The following SLITRK2 variants were observed in gnomAD, a reference collection of about 807,000 sequenced individuals.
SLITRK2 encodes the protein SLIT and NTRK-like protein 2.
SLITRK2 carries 13 observed loss-of-function variants against 35.4 expected under a neutral mutation model. That is an observed-to-expected ratio of 0.37 (90% CI 0.24 to 0.58). The LOEUF is 0.58. Ranked by LOEUF, SLITRK2 falls within the 20% of genes least tolerant of loss-of-function variation. SLITRK2 has a pLI of 0.75. For missense variants in SLITRK2, 471 were observed against 634.3 expected, an observed-to-expected ratio of 0.74 and a Z score of 2.76; for synonymous variants, 294 against 264.7, an observed-to-expected ratio of 1.11 and a Z score of -1.07.
chrX:145,826,298 CTT>C lies in SLITRK2; in HGVS notation c.*1336_*1337del, dbSNP rs2073126527. On this transcript the variant is annotated 3_prime_UTR_variant, in exon 5 of 5. Transcript: ENST00000335565. The stretch of plus-strand genomic sequence containing the variant: ...CTTTCTGACAAAACAGCATTTTCCT[CTT>C]GAGTTTAATTGAAGCATTAATGGGG... 8.9e-6 allele frequency: 1 copy of C among 111,991 alleles called. No homozygotes were observed. The highest frequency in any genetic ancestry group is 3.7e-4 in the South Asian group (1 of 2,703). The allele number at this position is 111,991 out of a possible 1,213,427, so 9.2% of individuals were successfully genotyped here. A position where few individuals can be genotyped will look rare whatever the true frequency, so the allele number is the denominator to read the frequency against.
chrX:145,821,151 A>ACACC (rs1346374753), intron 2 of SLITRK2, 197 bp from the exon 3 acceptor site: 1 of 108,733 alleles, frequency 9.2e-6, no homozygotes, highest in Non-Finnish European at 1.9e-5. Flanking sequence ...ACACACACAC[A>ACACC]CACGCTTCTC....
In SLITRK2 at chrX:145,824,226, T is replaced by C. The variant is rs2295336; in HGVS notation, c.1801T>C (p.Ser601Pro). Residue 601 changes from serine (S) to proline (P), a missense_variant, in exon 5 of 5, where the codon TCG (serine) becomes CCG (proline). By Grantham distance (74) the Ser-to-Pro change is moderately conservative. Coordinates refer to ENST00000335565, the MANE Select transcript of SLITRK2 (RefSeq NM_032539.5). ...GAATCACAATACAGACACACCTCGG[T>C]CGCTTAGTGTGTCTCCTAGTTCCTA... Reference protein sequence around the residue: ...SMNHNTDTPRSLSVSPSSYPE... With the variant: ...SMNHNTDTPRPLSVSPSSYPE... 25,864 of 1,208,922 alleles carry C rather than the reference T, an allele frequency of 0.021. 1,773 individuals are homozygous for C. In the East Asian group the frequency reaches 0.31, roughly 15 times the overall value.
rs1386423998 is a variant in SLITRK2, at chrX:145,828,166, TCAACCTGTGTGCCTTGTTAGTTCTCTC to T, written c.*3206_*3232del. The T allele has an allele frequency of 6.5e-6, 3 of 462,955 alleles. No individual in the cohort carries two copies. In the African/African-American group the frequency reaches 7.4e-5, roughly 11 times the overall value. 38.2% of individuals were successfully genotyped at this position (462,955 alleles called of 1,213,427 possible). Reference sequence around the variant, plus strand: ...AGCCTAATTTGGTTCTGGACTATGGTCAACCTGTGTGCCTTGTTAGTTCTCTCCAGCAGCTGGTGAGTAAGGAAATGA... The same window carrying T: ...AGCCTAATTTGGTTCTGGACTATGGTCAGCAGCTGGTGAGTAAGGAAATGA... On this transcript the variant is annotated 3_prime_UTR_variant, in exon 5 of 5. Coordinates refer to ENST00000335565, the MANE Select transcript of SLITRK2 (RefSeq NM_032539.5).
Position 145,828,125 on chromosome X carries a change from G to T in SLITRK2, c.*3162G>T. 1 of 705,693 alleles carries T rather than the reference G, an allele frequency of 1.4e-6. No homozygotes were observed. The highest frequency in any genetic ancestry group is 3.5e-5 in the South Asian group (1 of 28,512). The allele number at this position is 705,693 out of a possible 1,213,427, so 58.2% of individuals were successfully genotyped here. Reference sequence around the variant, plus strand: ...ACTCAAAAATACCACTTCTCAGTATGAACACAATTGCTAAGAGCCTAATTT... The same window carrying T: ...ACTCAAAAATACCACTTCTCAGTATTAACACAATTGCTAAGAGCCTAATTT... On this transcript the variant is annotated 3_prime_UTR_variant, in exon 5 of 5. Coordinates refer to ENST00000335565, the MANE Select transcript of SLITRK2 (RefSeq NM_032539.5).
At chrX:145,819,159 CG>C (rs1459050379) in intron 1 of SLITRK2, 5 of 111,694 alleles carry the variant, frequency 4.5e-5, no homozygotes, top group Non-Finnish European at 9.4e-5. Flanking sequence ...TGAAATTCTT[CG>C]CAAAAATAAT....
At position 145,826,391 on chromosome X, in the gene SLITRK2, A is replaced by C. The variant is rs782576555; in HGVS notation, c.*1428A>C. 2 of 112,182 alleles carry C rather than the reference A, an allele frequency of 1.8e-5. No homozygotes were observed. The highest frequency in any genetic ancestry group is 3.8e-5 in the Non-Finnish European group (2 of 53,241). 9.2% of individuals were successfully genotyped at this position (112,182 alleles called of 1,213,427 possible). A position where few individuals can be genotyped will look rare whatever the true frequency, so the allele number is the denominator to read the frequency against. ...AATAGTTACCTAAACCAAGACATTA[A>C]GCATCTTTTTCCTTCTGCCTTCTTT... is the stretch of plus-strand genomic sequence containing the variant. On this transcript the variant is annotated 3_prime_UTR_variant, in exon 5 of 5. Coordinates refer to ENST00000335565, the MANE Select transcript of SLITRK2 (RefSeq NM_032539.5).
At position 145,829,824 on chromosome X, in the gene SLITRK2, T is replaced by C. The variant is rs1556946457; in HGVS notation, c.*4861T>C. 8.1e-6 allele frequency: 1 copy of C among 123,664 alleles called. No homozygotes were observed. Among genetic ancestry groups the C allele is most frequent in the African/African-American group, 3.2e-5 (1 of 30,945 alleles). The allele number at this position is 123,664 out of a possible 1,213,427, so 10.2% of individuals were successfully genotyped here. A position where few individuals can be genotyped will look rare whatever the true frequency, so the allele number is the denominator to read the frequency against. On this transcript the variant is annotated 3_prime_UTR_variant, in exon 5 of 5. Coordinates refer to ENST00000335565, the MANE Select transcript of SLITRK2 (RefSeq NM_032539.5). ...GAAACAAGCTCTTGTGTAAATAGAC[T>C]TCTGTGCCTAATAGTGACATTGTTT... is the stretch of plus-strand genomic sequence containing the variant.
At position 145,829,187 on chromosome X, in the gene SLITRK2, GT is replaced by G. The variant is rs2073151962; in HGVS notation, c.*4225del. 1 of 123,833 alleles carries G rather than the reference GT, an allele frequency of 8.1e-6. No individual in the cohort carries two copies. Among genetic ancestry groups the G allele is most frequent in the Admixed American group, 9.4e-5 (1 of 10,675 alleles). 10.2% of individuals were successfully genotyped at this position (123,833 alleles called of 1,213,427 possible). Reference sequence around the variant, plus strand: ...ACAATGATTGTGCAAAAAGTCACGTGTAAATTGAACTTTTGTAAATCAAATT... The same window carrying G: ...ACAATGATTGTGCAAAAAGTCACGTGAAATTGAACTTTTGTAAATCAAATT... On this transcript the variant is annotated 3_prime_UTR_variant, in exon 5 of 5. Transcript: ENST00000335565.
At chrX:145,822,231 G>A (rs149538205) in intron 4 of SLITRK2, 78 bp downstream of exon 4, 205 of 417,590 alleles carry the variant, frequency 4.9e-4, no homozygotes, top group African/African-American at 4.5e-3. Flanking sequence ...AAAAGAAACC[G>A]CTTTGGAAAA....
In SLITRK2 at chrX:145,824,382, G is replaced by T; in HGVS notation, c.1957G>T (p.Val653Phe). The T allele has an allele frequency of 8.3e-7, 1 of 1,211,044 alleles. No homozygotes were observed. The highest frequency in any genetic ancestry group is 1.1e-6 in the Non-Finnish European group (1 of 895,268). The change falls in exon 5 of 5, where the codon GTT (valine) becomes TTT (phenylalanine). Residue 653 changes from valine to phenylalanine, a missense_variant. Val to Phe is a conservative substitution (Grantham distance 50). Transcript: ENST00000335565. The stretch of plus-strand genomic sequence containing the variant: ...GAAACGCCGAAAGGGAGTGCCGAGC[G>T]TTCCCAGGAATACCAACAACTTAGA... The part of the protein sequence containing the change: ...VLKRRKGVPS[V>F]PRNTNNLDVS...
In SLITRK2 at chrX:145,824,332, G is replaced by A. The variant is rs2124198841; in HGVS notation, c.1907G>A (p.Gly636Glu). The change falls in exon 5 of 5, where the codon GGG (glycine) becomes GAG (glutamate). Residue 636 changes from glycine (G) to glutamate (E), a missense_variant. Gly to Glu is a moderately conservative substitution (Grantham distance 98, BLOSUM62 -2). Around this residue, in one of 7 missense-constraint regions of SLITRK2, gnomAD observed 190 missense variants for 199.3 expected, o/e 0.95. Transcript: ENST00000335565. ...GTTTTCATCTTATCTGTCTGTTTTG[G>A]GGCTGGTTTATTCGTCTTTGTCTTG... ...LVVFILSVCF[G>E]AGLFVFVLKR... 1.7e-6 allele frequency: 2 copies of A among 1,210,931 alleles called. No homozygotes were observed. Among genetic ancestry groups the A allele is most frequent in the Non-Finnish European group, 2.2e-6 (2 of 895,322 alleles).
chrX:145,819,144 G>C (rs2072946271), intron 1 of SLITRK2: 1 of 111,467 alleles, frequency 9.0e-6, no homozygotes, highest in African/African-American at 3.3e-5. Context: ...TCTCTCTCCT[G>C]TCTCTGAAAT....
chrX:145,818,222 G>T (rs1417594409), intron 1 of SLITRK2, 196 bp downstream of exon 1: 1 of 112,081 alleles, frequency 8.9e-6, no homozygotes, highest in East Asian at 2.9e-4. Flanking sequence ...CCCCGGGACC[G>T]TCCGCGCGGG....
In SLITRK2 at chrX:145,822,794, G is replaced by A. The variant is rs2073048049; in HGVS notation, c.369G>A (p.Glu123=). The change falls in exon 5 of 5, where the codon GAG becomes GAA. Residue 123 remains glutamate (E), a synonymous_variant. Transcript: ENST00000335565. ...KRLHLNNNKL[E]ILREDTFLGL... ...TGCATCTCAACAACAACAAGCTTGA[G>A]ATATTGAGGGAGGACACCTTCCTAG... The A allele has an allele frequency of 8.3e-7, 1 of 1,208,760 alleles. No homozygotes were observed. The highest frequency in any genetic ancestry group is 1.8e-5 in the African/African-American group (1 of 56,733).
chrX:145,822,902 G>A lies in SLITRK2; in HGVS notation c.477G>A (p.Lys159=). 8.3e-7 allele frequency: 1 copy of A among 1,211,260 alleles called. No homozygotes were observed. Among genetic ancestry groups the A allele is most frequent in the Non-Finnish European group, 1.1e-6 (1 of 895,428 alleles). ...IEAGAFSKLN[K]LKVLILNDNL... is the part of the protein sequence containing the mutation. Reference sequence around the variant, plus strand: ...CTGGGGCATTCAGCAAACTTAACAAGCTCAAAGTGCTCATCCTGAATGACA... The same window carrying A: ...CTGGGGCATTCAGCAAACTTAACAAACTCAAAGTGCTCATCCTGAATGACA... The change falls in exon 5 of 5, where the codon AAG becomes AAA. Residue 159 remains lysine, a synonymous_variant. Transcript: ENST00000335565.
In SLITRK2 at chrX:145,817,886, C is replaced by G. The variant is rs2072911748; in HGVS notation, c.-933C>G. 1 of 109,010 alleles carries G rather than the reference C, an allele frequency of 9.2e-6. No individual in the cohort carries two copies. Among genetic ancestry groups the G allele is most frequent in the Admixed American group, 9.6e-5 (1 of 10,380 alleles). 9.0% of individuals were successfully genotyped at this position (109,010 alleles called of 1,213,427 possible). Reference sequence around the variant, plus strand: ...AGCTGCTCGGTGGGGATCTGCCTGCCCTGGGGGCGCCGCCCGCGCTCCCCG... The same window carrying G: ...AGCTGCTCGGTGGGGATCTGCCTGCGCTGGGGGCGCCGCCCGCGCTCCCCG... On this transcript the variant is annotated 5_prime_UTR_variant, in exon 1 of 5. Coordinates refer to ENST00000335565, the MANE Select transcript of SLITRK2 (RefSeq NM_032539.5).
In SLITRK2 at chrX:145,825,532, A is replaced by C. The variant is rs1283415866; in HGVS notation, c.*569A>C. On this transcript the variant is annotated 3_prime_UTR_variant, in exon 5 of 5. Coordinates refer to ENST00000335565, the MANE Select transcript of SLITRK2 (RefSeq NM_032539.5). ...CTTCGCACTTTAAGTACATTACTTA[A>C]ATGTTGCTTTTAGCTTTGATAAATT... 8.1e-6 allele frequency: 1 copy of C among 123,247 alleles called. No individual in the cohort carries two copies. The highest frequency in any genetic ancestry group is 3.2e-5 in the African/African-American group (1 of 30,799). The allele number at this position is 123,247 out of a possible 1,213,427, so 10.2% of individuals were successfully genotyped here. A position where few individuals can be genotyped will look rare whatever the true frequency, so the allele number is the denominator to read the frequency against.
rs782740451 is a variant in SLITRK2 at position 145,822,747 on chromosome X, G to A, written c.322G>A (p.Gly108Ser). The change falls in exon 5 of 5, where the codon GGC becomes AGC. Residue 108 changes from glycine to serine, a missense_variant. Gly to Ser is a moderately conservative substitution (Grantham distance 56). Around this residue, in one of 7 missense-constraint regions of SLITRK2, gnomAD observed 98 missense variants for 120.6 expected, o/e 0.81. Coordinates refer to ENST00000335565, the MANE Select transcript of SLITRK2 (RefSeq NM_032539.5). ...LQEIRTGAFS[G>S]LKTLKRLHLN... ...GGAGATCCGAACGGGGGCATTCAGT[G>A]GCCTGAAAACTCTCAAAAGACTGCA... 1 of 1,210,908 alleles carries A rather than the reference G, an allele frequency of 8.3e-7. No homozygotes were observed.
chrX:145,824,500 T>A lies in SLITRK2; in HGVS notation c.2075T>A (p.Val692Glu). 1 of 1,211,152 alleles carries A rather than the reference T, an allele frequency of 8.3e-7. No homozygotes were observed. Residue 692 changes from valine (V) to glutamate (E), a missense_variant, in exon 5 of 5, where the codon GTG becomes GAG. By Grantham distance (121) the Val-to-Glu change is moderately radical. Coordinates refer to ENST00000335565, the MANE Select transcript of SLITRK2 (RefSeq NM_032539.5). ...GTCTACAACTATATCCCCCCACCTG[T>A]GGGTCAGATGTGCCAAAACCCCATC... is the stretch of plus-strand genomic sequence containing the variant. ...GHVYNYIPPP[V>E]GQMCQNPIYM...
Sources: allele counts gnomAD v4.1 joint callset, GRCh38; gene constraint gnomAD v4.1.1; regional missense constraint gnomAD v4.1.1; transcripts MANE v1.5; gene names NCBI Gene and HGNC (gene_info 2026-07-23, HGNC 2026-07-21).